Variants in HIPK2 observed in about 807,000 individuals in gnomAD.
HIPK2 encodes homeodomain interacting protein kinase 2, also known as homeodomain-interacting protein kinase 2.
Under a neutral mutation model 113.7 loss-of-function variants are expected in HIPK2, and 27 were observed. The observed-to-expected ratio is 0.24, with a 90% CI of 0.17 to 0.33. The LOEUF (loss-of-function observed/expected upper bound fraction) is 0.33. HIPK2 is among the 10% of genes least tolerant of loss of function. The probability of loss-of-function intolerance (pLI) is 1.00; values close to 1 mark genes in which losing one functional copy is unlikely to be tolerated. For missense variants in HIPK2, 1,257 were observed against 1,588.0 expected (o/e 0.79, Z 3.54); for synonymous variants, 631 against 642.2 (o/e 0.98, Z 0.26).
intron 1 of HIPK2, among the ~76,000 whole-genome samples, chr7:139,764,993 G>A (rs946289161): frequency 6.6e-6 from 1 of 151,770 alleles, no homozygotes; most frequent in African/African-American, 2.4e-5. Flanking sequence ...AAAATTAGCC[G>A]GGCATGGTGG....
rs559025530 is a variant in HIPK2 at position 139,737,673 on chromosome 7, C to T, written c.20-20658G>A. Among the ~76,000 whole-genome samples, 5 of 152,120 alleles carry T rather than the reference C, an allele frequency of 3.3e-5. No individual in the cohort carries two copies. In the East Asian group the frequency reaches 5.8e-4, roughly 18 times the overall value. Reference sequence around the variant, plus strand: ...CCCCAGTGCCCCATTGGTCCTGGGCCGCATGAAGTGATTCAGAGCTACAGG... The same window carrying T: ...CCCCAGTGCCCCATTGGTCCTGGGCTGCATGAAGTGATTCAGAGCTACAGG... On this transcript the variant is annotated intron_variant, in intron 1 of 14. Transcript: ENST00000406875.
chr7:139,666,884 G>A (rs1171102564), intron 2 of HIPK2, among the ~76,000 whole-genome samples: 2 of 152,024 alleles, frequency 1.3e-5, no homozygotes, highest in Admixed American at 1.3e-4. Context: ...CCAAAATGGC[G>A]AAACCCGTCT....
intron 2 of HIPK2, among the ~76,000 whole-genome samples, chr7:139,672,132 C>T (rs1802325098): frequency 6.6e-6 from 1 of 152,124 alleles, no homozygotes; most frequent in African/African-American, 2.4e-5. Flanking sequence ...ATGCTGAACA[C>T]TGATTTAGAT....
At chr7:139,766,824 T>C (rs1042565126) in intron 1 of HIPK2, among the ~76,000 whole-genome samples, 10 of 152,190 alleles carry the variant, frequency 6.6e-5, no homozygotes, top group Non-Finnish European at 1.5e-4. Context: ...GTATTACTAT[T>C]GTGAGGATGA....
intron 9 of HIPK2, among the ~76,000 whole-genome samples, chr7:139,606,209 T>C (rs1338045058): frequency 6.6e-6 from 1 of 152,272 alleles, no homozygotes; most frequent in Non-Finnish European, 1.5e-5. Flanking sequence ...TGAACATTTC[T>C]TAATGGATAT....
Position 139,562,787 on chromosome 7 carries a change from C to T in HIPK2, c.*10140G>A, listed in dbSNP as rs1326032359. The T allele has an allele frequency of 6.6e-6, 1 of 152,280 alleles. No individual in the cohort carries two copies. Among genetic ancestry groups the T allele is most frequent in the Non-Finnish European group, 1.5e-5 (1 of 68,064 alleles). The allele number at this position is 152,280 out of a possible 1,614,324, so 9.4% of individuals were successfully genotyped here. On this transcript the variant is annotated 3_prime_UTR_variant, in exon 15 of 15. Transcript: ENST00000406875. ...CCAAGACACCAGTCTTGACTCCGACCTCTAAAGAGCTCCTTCTCCTCATCT... is the reference window on the plus strand; with the variant it reads ...CCAAGACACCAGTCTTGACTCCGACTTCTAAAGAGCTCCTTCTCCTCATCT...
chr7:139,602,152 C>T (rs572491933), intron 10 of HIPK2, among the ~76,000 whole-genome samples: 59 of 151,964 alleles, frequency 3.9e-4, no homozygotes, highest in Non-Finnish European at 6.8e-4. Flanking sequence ...GGGGTTTCGC[C>T]ATGCTGACCA....
intron 2 of HIPK2, among the ~76,000 whole-genome samples, chr7:139,699,183 C>T (rs891369462): frequency 2.6e-5 from 4 of 152,104 alleles, no homozygotes; most frequent in African/African-American, 9.7e-5. Flanking sequence ...ATCTCTCCCA[C>T]CAGCCTGGGG....
intron 1 of HIPK2, among the ~76,000 whole-genome samples, chr7:139,719,252 G>A (rs934481371): frequency 3.3e-5 from 5 of 151,992 alleles, no homozygotes; most frequent in Admixed American, 1.3e-4. Context: ...GACTACAGGT[G>A]TGCGCCACCA....
At chr7:139,748,876 G>A (rs985210055) in intron 1 of HIPK2, among the ~76,000 whole-genome samples, 1 of 152,136 alleles carries the variant, frequency 6.6e-6, no homozygotes, top group Non-Finnish European at 1.5e-5. Context: ...CTATTAATAT[G>A]AAAAGATTTG....
At chr7:139,772,943 TA>T (rs59311002) in intron 1 of HIPK2, among the ~76,000 whole-genome samples, 331 of 142,380 alleles carry the variant, frequency 2.3e-3, no homozygotes, top group Middle Eastern at 3.6e-3. Flanking sequence ...GAACTGCCAC[TA>T]AAAAAAAAAA....
chr7:139,582,449 G>A (rs1798698391), intron 13 of HIPK2, among the ~76,000 whole-genome samples: 1 of 152,234 alleles, frequency 6.6e-6, no homozygotes, highest in African/African-American at 2.4e-5. Flanking sequence ...AGGCCCACAG[G>A]AGCGCTGGCT....
intron 2 of HIPK2, among the ~76,000 whole-genome samples, chr7:139,693,806 A>G (rs910460577): frequency 1.3e-5 from 2 of 152,142 alleles, no homozygotes; most frequent in African/African-American, 4.8e-5. Context: ...TGATATCTTT[A>G]TTCTCCAATA....
At chr7:139,602,171 T>C (rs1344975496) in intron 10 of HIPK2, among the ~76,000 whole-genome samples, 1 of 152,164 alleles carries the variant, frequency 6.6e-6, no homozygotes, top group Non-Finnish European at 1.5e-5. Context: ...CAGGCTGGTC[T>C]CAAACTCCTG....
intron 2 of HIPK2, among the ~76,000 whole-genome samples, chr7:139,671,390 C>A (rs1020435289): frequency 1.3e-5 from 2 of 152,108 alleles, no homozygotes. Context: ...GAACTTCTAG[C>A]GTGACATTTT....
chr7:139,667,555 G>A (rs1569469332), intron 2 of HIPK2, among the ~76,000 whole-genome samples: 1 of 152,106 alleles, frequency 6.6e-6, no homozygotes, highest in Non-Finnish European at 1.5e-5. Flanking sequence ...TCACTAATCT[G>A]GTGCTGAATC....
In HIPK2 at chr7:139,570,077, G is replaced by C. The variant is rs1480844527; in HGVS notation, c.*2850C>G. On this transcript the variant is annotated 3_prime_UTR_variant, in exon 15 of 15. Coordinates refer to ENST00000406875, the MANE Select transcript of HIPK2 (RefSeq NM_022740.5). ...TAAAATGAAAAGAACATTTTAAGCTGTCTTTCCCCCTAAAAGATCAGATCT... is the reference window on the plus strand; with the variant it reads ...TAAAATGAAAAGAACATTTTAAGCTCTCTTTCCCCCTAAAAGATCAGATCT... 6.6e-6 allele frequency: 1 copy of C among 152,160 alleles called. No homozygotes were observed. Among genetic ancestry groups the C allele is most frequent in the African/African-American group, 2.4e-5 (1 of 41,442 alleles). 9.4% of individuals were successfully genotyped at this position (152,160 alleles called of 1,614,324 possible). A position where few individuals can be genotyped will look rare whatever the true frequency, so the allele number is the denominator to read the frequency against.
intron 13 of HIPK2, among the ~76,000 whole-genome samples, chr7:139,581,349 TCTGGCCC>T (rs1260230893): frequency 6.6e-6 from 1 of 152,202 alleles, no homozygotes; most frequent in African/African-American, 2.4e-5. Flanking sequence ...AGAGCAGGCA[TCTGGCCC>T]CCAGGGCTCA....
chr7:139,627,181 C>T (rs907089599), intron 5 of HIPK2, among the ~76,000 whole-genome samples: 1 of 152,132 alleles, frequency 6.6e-6, no homozygotes, highest in Non-Finnish European at 1.5e-5. Flanking sequence ...AGTGTTAATA[C>T]TATTGAACTG....
Sources: gnomAD v4.1 joint callset for allele counts (sites outside exome capture counted in the v4.1 genomes callset) on GRCh38, gnomAD v4.1.1 for gene constraint, MANE v1.5 for transcripts, NCBI Gene and HGNC (gene_info 2026-07-23, HGNC 2026-07-21) for gene names.